RNF220: variants seen among roughly 807,000 people sequenced by gnomAD.
The protein encoded by RNF220 is ring finger protein 220.
Under a neutral mutation model 67.1 loss-of-function variants are expected in RNF220, and 7 were observed. That is an observed-to-expected ratio of 0.10 (90% confidence interval 0.06 to 0.20). The LOEUF (loss-of-function observed/expected upper bound fraction) is 0.20, where lower values mean the gene tolerates loss of function less well. Among genes scored for constraint, RNF220 ranks in the 10% least tolerant of loss-of-function variants. The pLI is 1.00. For missense variants in RNF220, 565 were observed against 740.3 expected (o/e 0.76, Z 2.75); for synonymous variants, 270 against 283.2 (o/e 0.95, Z 0.47).
chr1:44,515,244 C>T (rs1031608946), intron 2 of RNF220, among the ~76,000 whole-genome samples: 2 of 152,164 alleles, frequency 1.3e-5, no homozygotes, highest in African/African-American at 4.8e-5. Context: ...GTGGATGTCA[C>T]TGGGGACGGG....
chr1:44,558,633 T>C (rs777081845), intron 2 of RNF220, among the ~76,000 whole-genome samples: 29 of 152,268 alleles, frequency 1.9e-4, no homozygotes, highest in Non-Finnish European at 3.8e-4. Flanking sequence ...ATTTGATAAA[T>C]GATAAATGAA....
chr1:44,631,783 T>C, intron 5 of RNF220: 1 of 477,988 alleles, frequency 2.1e-6, no homozygotes, highest in Non-Finnish European at 2.7e-6. Context: ...TGGAGTGGGG[T>C]GGAAGGACTT....
chr1:44,427,605 G>A (rs1649924867), intron 2 of RNF220, among the ~76,000 whole-genome samples: 1 of 152,200 alleles, frequency 6.6e-6, no homozygotes, highest in Non-Finnish European at 1.5e-5. Context: ...GATGGGAGAA[G>A]ATGATTTAGT....
rs946942483 is a variant in RNF220, at chr1:44,417,004, G to A, written c.625+4282G>A. ...CTGGAATGGGGAGGGCTGGGGTGAG[G>A]GGGGATACTTTCCAAGGGCTCTGGG... On this transcript the variant is annotated intron_variant, in intron 2 of 14. Coordinates refer to ENST00000361799, the MANE Select transcript of RNF220 (RefSeq NM_018150.4). The surrounding 1 kb of genome is among the most constrained non-coding windows in gnomAD (Gnocchi z 4.0). Among the ~76,000 whole-genome samples the A allele has an allele frequency of 6.6e-6, 1 of 152,164 alleles. No individual in the cohort carries two copies. The highest frequency in any genetic ancestry group is 2.4e-5 in the African/African-American group (1 of 41,440).
chr1:44,441,039 C>T (rs1158183518), intron 2 of RNF220, among the ~76,000 whole-genome samples: 3 of 152,166 alleles, frequency 2.0e-5, no homozygotes, highest in Non-Finnish European at 4.4e-5. Flanking sequence ...CCCTGGACAT[C>T]AGAATATATG....
Position 44,476,421 on chromosome 1 carries a change from T to G in RNF220, c.625+63699T>G, listed in dbSNP as rs535500911. Among the ~76,000 whole-genome samples, 12 of 152,298 alleles carry G rather than the reference T, an allele frequency of 7.9e-5. No homozygotes were observed. The East Asian group carries it at 2.1e-3, about 27-fold the overall frequency. On this transcript the variant is annotated intron_variant, in intron 2 of 14. Transcript: ENST00000361799. ...GGAGATTAAAGTCAAAGATCTTGAC[T>G]TGAAGAAATTTAGAGTTAGAAAAGC... is the stretch of plus-strand genomic sequence containing the variant.
chr1:44,505,627 G>T (rs1658344533), intron 2 of RNF220, among the ~76,000 whole-genome samples: 1 of 152,204 alleles, frequency 6.6e-6, no homozygotes, highest in Admixed American at 6.5e-5. Context: ...ACGGGTTAAG[G>T]TACATGCGGG....
At chr1:44,468,962 A>G (rs1045633395) in intron 2 of RNF220, among the ~76,000 whole-genome samples, 5 of 152,222 alleles carry the variant, frequency 3.3e-5, no homozygotes, top group Admixed American at 1.3e-4. Context: ...ACAATATCAG[A>G]AGATCAACAA....
At chr1:44,501,278 G>A (rs1263175033) in intron 2 of RNF220, among the ~76,000 whole-genome samples, 1 of 152,020 alleles carries the variant, frequency 6.6e-6, no homozygotes, top group Non-Finnish European at 1.5e-5. Context: ...GTAGAGAGTG[G>A]TGCAGAGGCC....
chr1:44,482,197 A>G (rs1655880810), intron 2 of RNF220, among the ~76,000 whole-genome samples: 1 of 152,234 alleles, frequency 6.6e-6, no homozygotes, highest in Non-Finnish European at 1.5e-5. Flanking sequence ...CCATCTGACC[A>G]TGAACCCATA....
At chr1:44,449,035 C>T (rs978979423) in intron 2 of RNF220, among the ~76,000 whole-genome samples, 7 of 152,186 alleles carry the variant, frequency 4.6e-5, no homozygotes, top group Admixed American at 6.5e-5. Context: ...ATGAATCTTC[C>T]GTCAGCACCT....
intron 2 of RNF220, among the ~76,000 whole-genome samples, chr1:44,500,131 C>T (rs1430532439): frequency 6.6e-6 from 1 of 152,206 alleles, no homozygotes; most frequent in Non-Finnish European, 1.5e-5. Context: ...TCTGTGACTC[C>T]TCTGGCTTGC....
chr1:44,514,899 C>A (rs1025078491), intron 2 of RNF220, among the ~76,000 whole-genome samples: 1 of 152,208 alleles, frequency 6.6e-6, no homozygotes, highest in African/African-American at 2.4e-5. Context: ...AAGATTGGCA[C>A]GTCCAGCAGG....
intron 2 of RNF220, among the ~76,000 whole-genome samples, chr1:44,582,975 C>T (rs184225237): frequency 6.6e-6 from 1 of 152,060 alleles, no homozygotes; most frequent in Admixed American, 6.5e-5. Flanking sequence ...CATTGCCCTC[C>T]AGCCTGGGCA....
rs1301942913 is a variant in RNF220, at chr1:44,600,695, C to G, written c.626-13470C>G. On this transcript the variant is annotated intron_variant, in intron 2 of 14. Coordinates refer to ENST00000361799, the MANE Select transcript of RNF220 (RefSeq NM_018150.4). This position sits in a 1 kb window ranked among gnomAD's most constrained non-coding sequence, Gnocchi z 4.0. ...AATTAGACAGATGTGGTGGCACACA[C>G]CTGCAGTCCCAGCTACTCGGGAGGC... Among the ~76,000 whole-genome samples the G allele has an allele frequency of 6.6e-6, 1 of 152,078 alleles. No homozygotes were observed. Among genetic ancestry groups the G allele is most frequent in the Non-Finnish European group, 1.5e-5 (1 of 68,002 alleles).
intron 2 of RNF220, among the ~76,000 whole-genome samples, chr1:44,430,118 A>AT (rs1377015836): frequency 6.6e-6 from 1 of 151,816 alleles, no homozygotes; most frequent in Non-Finnish European, 1.5e-5. Flanking sequence ...ATTCATGTCT[A>AT]TCTTTATATA....
intron 8 of RNF220, among the ~76,000 whole-genome samples, chr1:44,639,762 C>CTTCTT (rs915092631): frequency 1.3e-5 from 2 of 152,046 alleles, no homozygotes; most frequent in African/African-American, 2.4e-5. Flanking sequence ...AATCTTTTCT[C>CTTCTT]TTCTTTTCTT....
intron 2 of RNF220, among the ~76,000 whole-genome samples, chr1:44,499,564 T>C: frequency 6.6e-6 from 1 of 152,152 alleles, no homozygotes; most frequent in East Asian, 1.9e-4. Context: ...TGGTTCCTCC[T>C]CCTTTCAGTG....
intron 2 of RNF220, among the ~76,000 whole-genome samples, chr1:44,554,765 G>A (rs989243883): frequency 6.6e-6 from 1 of 152,112 alleles, no homozygotes; most frequent in Non-Finnish European, 1.5e-5. Flanking sequence ...CAAGCAGGTA[G>A]AAGGCAACGG....
Sources: gnomAD v4.1 joint callset for allele counts (sites outside exome capture counted in the v4.1 genomes callset) on GRCh38, gnomAD v4.1.1 for gene constraint, Gnocchi (gnomAD v3.1) non-coding constraint, MANE v1.5 for transcripts, NCBI Gene and HGNC (gene_info 2026-07-23, HGNC 2026-07-21) for gene names.